The following USP39 variants were observed in gnomAD, a reference collection of about 807,000 sequenced individuals.
USP39 encodes ubiquitin specific peptidase 39.
A neutral mutation model predicts 66.4 loss-of-function variants in USP39; 38 were observed. The ratio of observed to expected loss-of-function variants is 0.57; its 90% CI spans 0.44 to 0.75. The LOEUF is 0.75. USP39 is among the 30% of genes least tolerant of loss of function. The probability of loss-of-function intolerance (pLI) is 0.00; values close to 1 mark genes in which losing one functional copy is unlikely to be tolerated. For missense variants in USP39, 608 were observed against 714.4 expected (o/e 0.85, Z 1.70); for synonymous variants, 303 against 274.6 (o/e 1.10, Z -1.02).
upstream of USP39, chr2:85,609,523 C>CT: frequency 6.2e-7 from 1 of 1,614,204 alleles, no homozygotes; most frequent in Non-Finnish European, 8.5e-7. Context: ...CAGCTCAGAG[C>CT]CTCCACTACT....
chr2:85,619,103 A>G, intron 1 of USP39, 117 bp from the exon 2 acceptor site: 2 of 1,212,538 alleles, frequency 1.6e-6, no homozygotes, highest in Non-Finnish European at 2.4e-6. Flanking sequence ...GTTGCCACCC[A>G]AACAATAGGA....
At chr2:85,640,662 G>T (rs1676165509) in intron 9 of USP39, among the ~76,000 whole-genome samples, 1 of 146,708 alleles carries the variant, frequency 6.8e-6, no homozygotes, top group African/African-American at 2.5e-5. Flanking sequence ...TAGTAGAGAT[G>T]GGGTTTCACC....
chr2:85,616,085 G>T, upstream of USP39: 1 of 1,313,808 alleles, frequency 7.6e-7, no homozygotes. Context: ...GTCCCCAGTG[G>T]CGACTCGTAG....
In USP39 at chr2:85,639,355, C is replaced by T; in HGVS notation, c.1248C>T (p.Phe416=). ...TCATCATTCCCCAAGTGCCACTCTT[C>T]AACATCCTGGCTAAGTTCAATGGCA... is the stretch of plus-strand genomic sequence containing the variant. ...EQLIIPQVPL[F]NILAKFNGIT... is the part of the protein sequence containing the mutation. Residue 416 remains phenylalanine (F), a synonymous_variant, in exon 9 of 13, where the codon TTC becomes TTT. Coordinates refer to ENST00000323701, the MANE Select transcript of USP39 (RefSeq NM_006590.4). 2.5e-6 allele frequency: 4 copies of T among 1,613,930 alleles called. No individual in the cohort carries two copies. Among genetic ancestry groups the T allele is most frequent in the African/African-American group, 2.7e-5 (2 of 74,972 alleles).
At chr2:85,631,057 C>G in intron 6 of USP39, 111 bp downstream of exon 6, 1 of 974,600 alleles carries the variant, frequency 1.0e-6, no homozygotes, top group East Asian at 2.6e-5. Context: ...CTCTGTCACC[C>G]AGGCTGGAGT....
intron 9 of USP39, chr2:85,639,837 G>A (rs1041129653): frequency 6.5e-6 from 1 of 152,912 alleles, no homozygotes; most frequent in African/African-American, 2.4e-5. Flanking sequence ...AGACTCGTTG[G>A]TATTTCTCAC....
upstream of USP39, chr2:85,608,784 G>A (rs1316412952): frequency 1.3e-5 from 9 of 714,038 alleles, no homozygotes; most frequent in South Asian, 2.6e-5. Flanking sequence ...AAGAATGACT[G>A]CAAGGCAGGC....
Position 85,620,250 on chromosome 2 carries a change from G to A in USP39, c.338+961G>A, listed in dbSNP as rs151331995. Among the ~76,000 whole-genome samples the A allele has an allele frequency of 8.0e-3, 1,214 of 152,080 alleles. 14 individuals carry two copies. Among genetic ancestry groups the A allele is most frequent in the African/African-American group, 0.028 (1,147 of 41,540 alleles). On this transcript the variant is annotated intron_variant, in intron 2 of 12. Coordinates refer to ENST00000323701, the MANE Select transcript of USP39 (RefSeq NM_006590.4). ...AATCCCAGCACTTTGGGAGGCTGAG[G>A]CAGGCAGATTGCTTGAGCTCAGGAG...
chr2:85,621,295 C>T, intron 2 of USP39, 190 bp from the exon 3 acceptor site: 1 of 540,970 alleles, frequency 1.8e-6, no homozygotes, highest in Non-Finnish European at 3.3e-6. Flanking sequence ...GTGGAGACAC[C>T]TCAACAGTGC....
chr2:85,613,887 C>T (rs537780234), upstream of USP39, among the ~76,000 whole-genome samples: 33 of 152,186 alleles, frequency 2.2e-4, 1 homozygote, highest in South Asian at 4.3e-3. Flanking sequence ...AAACGATCCT[C>T]CTGCCTCAGC....
At chr2:85,634,902 T>A (rs1256732486) in intron 6 of USP39, among the ~76,000 whole-genome samples, 1 of 152,106 alleles carries the variant, frequency 6.6e-6, no homozygotes, top group Non-Finnish European at 1.5e-5. Context: ...TAGGGCATAA[T>A]TGGGTTGTAG....
chr2:85,624,962 T>TA (rs11370666), intron 4 of USP39, among the ~76,000 whole-genome samples: 52,664 of 137,206 alleles, frequency 0.38, 9,971 homozygotes, highest in African/African-American at 0.48. Flanking sequence ...AAACTCCATC[T>TA]AAAAAAAAAA....
At chr2:85,614,325 C>T (rs914996867), upstream of USP39, among the ~76,000 whole-genome samples, 6 of 152,086 alleles carry the variant, frequency 3.9e-5, no homozygotes, top group African/African-American at 1.4e-4. Flanking sequence ...ACCAGCCTGG[C>T]CAACATGGTG....
intron 11 of USP39, 129 bp downstream of exon 11, chr2:85,645,212 C>T: frequency 1.5e-6 from 2 of 1,293,682 alleles, no homozygotes; most frequent in Admixed American, 2.4e-5. Context: ...AGTAATAGTG[C>T]TGTCAGTAGT....
At chr2:85,623,502 G>C (rs764817585) in intron 3 of USP39, 144 bp from the exon 4 acceptor site, 4 of 1,193,818 alleles carry the variant, frequency 3.4e-6, no homozygotes, top group Non-Finnish European at 1.1e-6. Flanking sequence ...ACTTCATGTG[G>C]AGGATTCATT....
intron 7 of USP39, 108 bp downstream of exon 7, chr2:85,636,238 T>G (rs1675760336): frequency 9.7e-7 from 1 of 1,026,612 alleles, no homozygotes; most frequent in Admixed American, 2.1e-5. Context: ...GAGGCCGAGG[T>G]GGGTGGATTA....
In USP39 at chr2:85,648,939, C is replaced by T; in HGVS notation, c.*131C>T. ...GCCCAGCTTGTATGGGTTCTGGCTA[C>T]ACCAGAGCACCAAGAGCCCACTTGC... is the stretch of plus-strand genomic sequence containing the variant. On this transcript the variant is annotated 3_prime_UTR_variant, in exon 13 of 13. Coordinates refer to ENST00000323701, the MANE Select transcript of USP39 (RefSeq NM_006590.4). The T allele has an allele frequency of 9.9e-7, 1 of 1,007,686 alleles. No individual in the cohort carries two copies. The highest frequency in any genetic ancestry group is 1.5e-6 in the Non-Finnish European group (1 of 664,300). 62.4% of individuals were successfully genotyped at this position (1,007,686 alleles called of 1,614,324 possible). A position where few individuals can be genotyped will look rare whatever the true frequency, so the allele number is the denominator to read the frequency against.
intron 6 of USP39, among the ~76,000 whole-genome samples, chr2:85,633,007 C>A (rs748504695): frequency 1.1e-4 from 17 of 152,104 alleles, no homozygotes; most frequent in Non-Finnish European, 2.4e-4. Context: ...CCCTTGGACT[C>A]CTGGGGTCAG....
chr2:85,649,097 A>G lies in USP39; in HGVS notation c.*289A>G. 5.6e-6 allele frequency: 2 copies of G among 356,892 alleles called. No homozygotes were observed. The highest frequency in any genetic ancestry group is 9.4e-6 in the Non-Finnish European group (2 of 212,386). The allele number at this position is 356,892 out of a possible 1,614,324, so 22.1% of individuals were successfully genotyped here. A position where few individuals can be genotyped will look rare whatever the true frequency, so the allele number is the denominator to read the frequency against. On this transcript the variant is annotated 3_prime_UTR_variant, in exon 13 of 13. Transcript: ENST00000323701. Reference sequence around the variant, plus strand: ...ACCCTTCTCCAGATGTGTGTAACTTATGTCTTGAGTATCTGGGAGTAGTTG... The same window carrying G: ...ACCCTTCTCCAGATGTGTGTAACTTGTGTCTTGAGTATCTGGGAGTAGTTG...
Sources: allele counts gnomAD v4.1 joint callset (sites outside exome capture counted in the v4.1 genomes callset), GRCh38; gene constraint gnomAD v4.1.1; transcripts MANE v1.5; gene names NCBI Gene and HGNC (gene_info 2026-07-23, HGNC 2026-07-21).